The following IL20RA variants were observed in gnomAD, a reference collection of about 807,000 sequenced individuals.
The protein encoded by IL20RA is interleukin 20 receptor subunit alpha.
A neutral mutation model predicts 36.5 loss-of-function variants in IL20RA; 29 were observed. That is an observed-to-expected ratio of 0.79 (90% confidence interval 0.59 to 1.08). The LOEUF is 1.08. Among genes scored for constraint, IL20RA ranks in the 50% least tolerant of loss-of-function variants. The probability of loss-of-function intolerance (pLI) is 0.00; values close to 1 mark genes in which losing one functional copy is unlikely to be tolerated. For missense variants in IL20RA, 652 were observed against 668.4 expected (o/e 0.98, Z 0.27); for synonymous variants, 279 against 267.1 (o/e 1.04, Z -0.43).
At chr6:137,015,605 T>C (rs1255429013) in intron 2 of IL20RA, among the ~76,000 whole-genome samples, 10 of 152,210 alleles carry the variant, frequency 6.6e-5, no homozygotes, top group African/African-American at 2.4e-4. Flanking sequence ...GGCAAATGGA[T>C]ATAAGAATAG....
Position 137,044,688 on chromosome 6 carries a change from A to T in IL20RA, c.41T>A (p.Leu14Gln). ...PGRPALRPLP[L>Q]PPLLLLLLAA... is the part of the protein sequence containing the mutation. ...CAGGAGCAACAGCAGCAGCGGCGGC[A>T]GCGGCAGCGGCCGCAGGGCCGGGCG... is the stretch of plus-strand genomic sequence containing the variant. Residue 14 changes from leucine to glutamine, a missense_variant, in exon 1 of 7, where the codon CTG becomes CAG. By Grantham distance (113) the Leu-to-Gln change is moderately radical. Coordinates refer to ENST00000316649, the MANE Select transcript of IL20RA (RefSeq NM_014432.4). 8.2e-7 allele frequency: 1 copy of T among 1,223,750 alleles called. No individual in the cohort carries two copies. Among genetic ancestry groups the T allele is most frequent in the South Asian group, 4.1e-5 (1 of 24,512 alleles). 75.8% of individuals were successfully genotyped at this position (1,223,750 alleles called of 1,614,324 possible).
chr6:137,008,751 A>G lies in IL20RA; in HGVS notation c.580-8T>C. 1 of 1,573,260 alleles carries G rather than the reference A, an allele frequency of 6.4e-7. No homozygotes were observed. Among genetic ancestry groups the G allele is most frequent in the Non-Finnish European group, 8.6e-7 (1 of 1,160,380 alleles). On this transcript the variant is annotated splice_region_variant and splice_polypyrimidine_tract_variant and intron_variant, in intron 4 of 6. Transcript: ENST00000316649. ...GGTCACACACTGGGACCACTAGGAT[A>G]GGGAATTGCAAACATTGGTTAGAGC...
At chr6:137,022,149 T>C (rs1023717925) in intron 1 of IL20RA, among the ~76,000 whole-genome samples, 6 of 152,170 alleles carry the variant, frequency 3.9e-5, no homozygotes, top group African/African-American at 1.4e-4. Context: ...ATCAAATAAT[T>C]TGGGAATTTA....
intron 3 of IL20RA, among the ~76,000 whole-genome samples, chr6:137,010,412 C>A (rs528402298): frequency 6.6e-6 from 1 of 152,272 alleles, no homozygotes; most frequent in East Asian, 1.9e-4. Context: ...TCCAATGTCA[C>A]AAAATATTCC....
intron 3 of IL20RA, among the ~76,000 whole-genome samples, chr6:137,009,812 G>A (rs1306536782): frequency 2.0e-5 from 3 of 151,874 alleles, no homozygotes; most frequent in Non-Finnish European, 4.4e-5. Context: ...CATCATGTTG[G>A]CCAGGCTTGT....
chr6:137,044,524 C>A, intron 1 of IL20RA, 117 bp downstream of exon 1: 1 of 1,084,978 alleles, frequency 9.2e-7, no homozygotes, highest in East Asian at 3.5e-5. Flanking sequence ...CCTCTGCCCG[C>A]CCGAAAGCGA....
At position 137,006,607 on chromosome 6, in the gene IL20RA, A is replaced by G. The variant is rs184123622; in HGVS notation, c.725-1847T>C. ...AGTTCCAATAGAGGTAATACTGATT[A>G]TTCAGAAAGCAGGTCCTCACACCAG... On this transcript the variant is annotated intron_variant, in intron 5 of 6. Transcript: ENST00000316649. Among the ~76,000 whole-genome samples the G allele has an allele frequency of 1.6e-4, 25 of 152,356 alleles. No individual in the cohort carries two copies. In the East Asian group the frequency reaches 4.2e-3, roughly 26 times the overall value.
Position 137,044,700 on chromosome 6 carries a change from C to A in IL20RA, c.29G>T (p.Arg10Leu). 1 of 1,222,908 alleles carries A rather than the reference C, an allele frequency of 8.2e-7. No homozygotes were observed. Among genetic ancestry groups the A allele is most frequent in the South Asian group, 4.1e-5 (1 of 24,448 alleles). 75.8% of individuals were successfully genotyped at this position (1,222,908 alleles called of 1,614,324 possible). MRAPGRPALRPLPLPPLLLL... is the reference protein window; with the variant it reads MRAPGRPALLPLPLPPLLLL... The stretch of plus-strand genomic sequence containing the variant: ...CAGCAGCGGCGGCAGCGGCAGCGGC[C>A]GCAGGGCCGGGCGGCCGGGAGCCCG... Residue 10 changes from arginine to leucine, a missense_variant, in exon 1 of 7, where the codon CGG becomes CTG. By Grantham distance (102) the Arg-to-Leu change is moderately radical. Coordinates refer to ENST00000316649, the MANE Select transcript of IL20RA (RefSeq NM_014432.4).
At chr6:137,005,808 G>T (rs1408172182) in intron 5 of IL20RA, among the ~76,000 whole-genome samples, 1 of 152,116 alleles carries the variant, frequency 6.6e-6, no homozygotes, top group African/African-American at 2.4e-5. Context: ...AGGGAATTCT[G>T]CCAGGAGTCT....
intron 6 of IL20RA, among the ~76,000 whole-genome samples, chr6:137,002,917 T>C (rs1380999478): frequency 2.0e-5 from 3 of 152,098 alleles, no homozygotes; most frequent in African/African-American, 7.2e-5. Flanking sequence ...CATGCTATAA[T>C]AGAGCCAAAA....
intron 1 of IL20RA, among the ~76,000 whole-genome samples, chr6:137,028,563 G>A (rs1776173472): frequency 6.6e-6 from 1 of 152,094 alleles, no homozygotes; most frequent in East Asian, 1.9e-4. Context: ...AAGTCATACA[G>A]AAAAATTGGT....
chr6:137,001,342 CCCCTGGACTCCAGAGG>C lies in IL20RA; in HGVS notation c.*200_*215del. ...TTCTCTGCATAGAACAACCGGCCAG[CCCCTGGACTCCAGAGG>C]CCCACCATCATTGTTAAGAGACCTA... On this transcript the variant is annotated 3_prime_UTR_variant, in exon 7 of 7. Coordinates refer to ENST00000316649, the MANE Select transcript of IL20RA (RefSeq NM_014432.4). 1 of 427,080 alleles carries C rather than the reference CCCCTGGACTCCAGAGG, an allele frequency of 2.3e-6. No homozygotes were observed. The highest frequency in any genetic ancestry group is 4.1e-6 in the Non-Finnish European group (1 of 243,002). 26.5% of individuals were successfully genotyped at this position (427,080 alleles called of 1,614,324 possible).
Position 137,044,624 on chromosome 6 carries a change from C to A in IL20RA, c.88+17G>T. On this transcript the variant is annotated intron_variant, in intron 1 of 6. Transcript: ENST00000316649. Reference sequence around the variant, plus strand: ...GGAGGCATCCCCGACCCGCACCTGGCGGCGCGACCCACCTACCTGCCCGTC... The same window carrying A: ...GGAGGCATCCCCGACCCGCACCTGGAGGCGCGACCCACCTACCTGCCCGTC... 8.2e-7 allele frequency: 1 copy of A among 1,220,306 alleles called. No homozygotes were observed. Among genetic ancestry groups the A allele is most frequent in the South Asian group, 4.2e-5 (1 of 24,046 alleles). The allele number at this position is 1,220,306 out of a possible 1,614,324, so 75.6% of individuals were successfully genotyped here.
chr6:137,017,590 GT>G (rs1334009931), intron 1 of IL20RA, among the ~76,000 whole-genome samples: 2 of 152,092 alleles, frequency 1.3e-5, no homozygotes, highest in Non-Finnish European at 2.9e-5. Flanking sequence ...TTTGGGGGTA[GT>G]TTGTTATGCA....
intron 1 of IL20RA, among the ~76,000 whole-genome samples, chr6:137,037,753 C>T (rs1310804355): frequency 1.3e-5 from 2 of 151,986 alleles, no homozygotes; most frequent in African/African-American, 4.8e-5. Context: ...AGAGAAGGCA[C>T]CTAGCAGTTT....
chr6:137,016,843 G>T, intron 2 of IL20RA, 125 bp downstream of exon 2: 1 of 890,410 alleles, frequency 1.1e-6, no homozygotes, highest in South Asian at 1.7e-5. Flanking sequence ...AACTTAACCT[G>T]AAATATCTAA....
intron 2 of IL20RA, 83 bp downstream of exon 2, chr6:137,016,885 C>T: frequency 8.1e-7 from 1 of 1,230,466 alleles, no homozygotes; most frequent in Non-Finnish European, 1.2e-6. Flanking sequence ...CATTTAATAC[C>T]ACGGAGAGTT....
At chr6:137,029,288 A>T (rs1776193433) in intron 1 of IL20RA, among the ~76,000 whole-genome samples, 1 of 152,082 alleles carries the variant, frequency 6.6e-6, no homozygotes, top group Non-Finnish European at 1.5e-5. Context: ...TGGGTGGATC[A>T]CCTGAGGCCA....
At position 137,009,448 on chromosome 6, in the gene IL20RA, A is replaced by T. The variant is rs765851640; in HGVS notation, c.448T>A (p.Ser150Thr). The change falls in exon 4 of 7, where the codon TCC becomes ACC. Residue 150 changes from serine (S) to threonine (T), a missense_variant. Physicochemically the swap from Ser to Thr is moderately conservative, Grantham distance 58. Transcript: ENST00000316649. ...GGAGCTGTCAGGACAACAGAAATGGACTTCTCATCTGTAGTCAGTGCCACC... is the reference window on the plus strand; with the variant it reads ...GGAGCTGTCAGGACAACAGAAATGGTCTTCTCATCTGTAGTCAGTGCCACC... The part of the protein sequence containing the change: ...PEVALTTDEK[S>T]ISVVLTAPEK... 6 of 1,613,248 alleles carry T rather than the reference A, an allele frequency of 3.7e-6. No homozygotes were observed. The highest frequency in any genetic ancestry group is 3.3e-5 in the South Asian group (3 of 91,048).
Sources: allele counts gnomAD v4.1 joint callset (sites outside exome capture counted in the v4.1 genomes callset), GRCh38; gene constraint gnomAD v4.1.1; transcripts MANE v1.5; gene names NCBI Gene and HGNC (gene_info 2026-07-23, HGNC 2026-07-21).